Variants in ITFG1 observed in about 807,000 individuals in gnomAD.
ITFG1 encodes integrin alpha FG-GAP repeat containing 1.
ITFG1 carries 34 observed loss-of-function variants against 81.8 expected under a neutral mutation model. The ratio of observed to expected loss-of-function variants is 0.42; its 90% CI spans 0.32 to 0.55. The LOEUF (loss-of-function observed/expected upper bound fraction) is 0.55, where lower values mean the gene tolerates loss of function less well. ITFG1 is among the 20% of genes least tolerant of loss of function. ITFG1 has a pLI of 0.17. For synonymous variants in ITFG1, 285 were observed against 270.6 expected (o/e 1.05, Z -0.52); for missense variants, 672 against 755.4 (o/e 0.89, Z 1.29).
chr16:47,249,410 CTG>C (rs1966040565), intron 12 of ITFG1, among the ~76,000 whole-genome samples: 1 of 152,056 alleles, frequency 6.6e-6, no homozygotes. Context: ...CAAAGCGAGA[CTG>C]TGTCTCAAAA....
chr16:47,172,288 C>A (rs1964972018), intron 14 of ITFG1, among the ~76,000 whole-genome samples: 1 of 152,096 alleles, frequency 6.6e-6, no homozygotes, highest in African/African-American at 2.4e-5. Flanking sequence ...AGTTTGAGAC[C>A]AGCCAGGCCA....
chr16:47,443,057 A>C (rs570564419), intron 5 of ITFG1, among the ~76,000 whole-genome samples: 125 of 152,334 alleles, frequency 8.2e-4, no homozygotes, highest in African/African-American at 2.9e-3. Context: ...ATTTACAAGA[A>C]AAAAACAACC....
intron 8 of ITFG1, among the ~76,000 whole-genome samples, chr16:47,327,075 T>C (rs1370100080): frequency 6.6e-6 from 1 of 152,100 alleles, no homozygotes; most frequent in African/African-American, 2.4e-5. Context: ...CTTCAAACTA[T>C]ACTACAAGGC....
rs59077423 is a variant in ITFG1, at chr16:47,296,068, T to TTTTTATTTTATTTTA, written c.1070+15157_1070+15171dup. On this transcript the variant is annotated intron_variant, in intron 10 of 17. Transcript: ENST00000320640. ...CATGCATCACCATGTCCCGGCTAAG[T>TTTTTATTTTATTTTA]TTTTATTTTATTTTATTTTATTTTA... Among the ~76,000 whole-genome samples, 60 of 148,504 alleles carry TTTTTATTTTATTTTA rather than the reference T, an allele frequency of 4.0e-4. 1 individual carries two copies. Among genetic ancestry groups the TTTTTATTTTATTTTA allele is most frequent in the African/African-American group, 1.3e-3 (53 of 39,726 alleles).
intron 12 of ITFG1, among the ~76,000 whole-genome samples, chr16:47,241,674 G>T (rs1156715943): frequency 6.6e-6 from 1 of 152,160 alleles, no homozygotes; most frequent in Admixed American, 6.5e-5. Flanking sequence ...TGACAGACAA[G>T]GCCGGGCGCG....
At chr16:47,167,546 A>C (rs1596779427) in intron 14 of ITFG1, among the ~76,000 whole-genome samples, 3 of 146,788 alleles carry the variant, frequency 2.0e-5, no homozygotes, top group Admixed American at 6.8e-5. Context: ...GCACCTTGCG[A>C]CCCCCACTCC....
At chr16:47,163,950 CACAT>C (rs1299661664) in intron 14 of ITFG1, among the ~76,000 whole-genome samples, 2,854 of 144,476 alleles carry the variant, frequency 0.02, 88 homozygotes, top group African/African-American at 0.072. Flanking sequence ...CACACACACA[CACAT>C]ACACACACAC....
chr16:47,423,452 T>C (rs1477291037), intron 6 of ITFG1, among the ~76,000 whole-genome samples: 3 of 152,216 alleles, frequency 2.0e-5, no homozygotes, highest in Non-Finnish European at 2.9e-5. Context: ...GATATTGTTA[T>C]GTCTGAATTT....
chr16:47,349,966 T>C (rs898016995), intron 8 of ITFG1, among the ~76,000 whole-genome samples: 3 of 152,140 alleles, frequency 2.0e-5, no homozygotes, highest in Non-Finnish European at 4.4e-5. Context: ...GACTACTAGG[T>C]AGGTAAATAA....
chr16:47,459,117 T>C lies in ITFG1; in HGVS notation c.267A>G (p.Val89=), dbSNP rs1217164543. ...DQNAPYFKPK[V]KVSFKNHSAL... is the part of the protein sequence containing the mutation. ...TTTGTACTTACTTGAAAGATACCTT[T>C]ACTTTGGGTTTAAAATAGGGTGCAT... Residue 89 remains valine (V), a synonymous_variant, in exon 2 of 18, where the codon GTA becomes GTG. Transcript: ENST00000320640. The C allele has an allele frequency of 6.3e-7, 1 of 1,587,120 alleles. No individual in the cohort carries two copies. Among genetic ancestry groups the C allele is most frequent in the Non-Finnish European group, 8.7e-7 (1 of 1,155,692 alleles).
At chr16:47,248,725 A>AT (rs1176057693) in intron 12 of ITFG1, among the ~76,000 whole-genome samples, 3 of 152,196 alleles carry the variant, frequency 2.0e-5, no homozygotes, top group Non-Finnish European at 4.4e-5. Flanking sequence ...GCAAAAGCCC[A>AT]TTTTTTAAAA....
chr16:47,419,571 C>T (rs1283469710), intron 6 of ITFG1, among the ~76,000 whole-genome samples: 1 of 150,264 alleles, frequency 6.7e-6, no homozygotes, highest in African/African-American at 2.4e-5. Flanking sequence ...TGCACCTGTT[C>T]CCTTGCACTT....
intron 8 of ITFG1, among the ~76,000 whole-genome samples, chr16:47,352,399 G>T (rs1378097457): frequency 6.6e-6 from 1 of 152,086 alleles, no homozygotes; most frequent in Admixed American, 6.5e-5. Context: ...GTGGGCGAAG[G>T]ATATGAACAG....
At position 47,427,215 on chromosome 16, in the gene ITFG1, G is replaced by T. The variant is rs1162304225; in HGVS notation, c.655+1589C>A. ...ACCATTAGAGAATACTGTAATGGAT[G>T]ATCTATGCTGAGGAAAACTGAACCT... On this transcript the variant is annotated intron_variant, in intron 6 of 17. Coordinates refer to ENST00000320640, the MANE Select transcript of ITFG1 (RefSeq NM_030790.5). Among the ~76,000 whole-genome samples the T allele has an allele frequency of 2.2e-4, 34 of 152,202 alleles. 1 individual carries two copies. Among genetic ancestry groups the T allele is most frequent in the Admixed American group, 2.2e-3 (34 of 15,282 alleles).
intron 13 of ITFG1, among the ~76,000 whole-genome samples, chr16:47,227,704 C>T (rs1477730532): frequency 3.3e-5 from 5 of 151,388 alleles, no homozygotes; most frequent in Non-Finnish European, 5.9e-5. Context: ...TATAGTGGAG[C>T]GCAAATAATA....
intron 6 of ITFG1, among the ~76,000 whole-genome samples, chr16:47,408,751 T>C (rs1462703960): frequency 6.6e-6 from 1 of 152,230 alleles, no homozygotes; most frequent in African/African-American, 2.4e-5. Flanking sequence ...TTATTCTTTC[T>C]CATTATTTGG....
intron 12 of ITFG1, among the ~76,000 whole-genome samples, chr16:47,254,248 A>C (rs1282047989): frequency 6.6e-6 from 1 of 152,076 alleles, no homozygotes; most frequent in Admixed American, 6.5e-5. Flanking sequence ...TAAATGAATA[A>C]ATGCCAAGGA....
chr16:47,168,055 T>C (rs1157262661), intron 14 of ITFG1, among the ~76,000 whole-genome samples: 1 of 152,238 alleles, frequency 6.6e-6, no homozygotes, highest in East Asian at 1.9e-4. Flanking sequence ...CAGCAATGTA[T>C]GAGGGTTCCT....
chr16:47,195,424 C>G (rs1379457119), intron 14 of ITFG1, among the ~76,000 whole-genome samples: 1 of 152,164 alleles, frequency 6.6e-6, no homozygotes, highest in Admixed American at 6.5e-5. Context: ...TATGGCATTC[C>G]TGTCTCTCAT....
Sources: gnomAD v4.1 joint callset for allele counts (sites outside exome capture counted in the v4.1 genomes callset) on GRCh38, gnomAD v4.1.1 for gene constraint, MANE v1.5 for transcripts, NCBI Gene and HGNC (gene_info 2026-07-23, HGNC 2026-07-21) for gene names.